UNC13C: variants seen among roughly 807,000 people sequenced by gnomAD.
UNC13C encodes the protein protein unc-13 homolog C.
A neutral mutation model predicts 245.4 loss-of-function variants in UNC13C; 174 were observed. The ratio of observed to expected loss-of-function variants is 0.71; its 90% CI spans 0.63 to 0.80. UNC13C has a LOEUF of 0.80. Among genes scored for constraint, UNC13C ranks in the 30% least tolerant of loss-of-function variants. UNC13C has a pLI of 0.00. For synonymous variants in UNC13C, 992 were observed against 895.1 expected (o/e 1.11, Z -1.93); for missense variants, 2,829 against 2,602.9 (o/e 1.09, Z -1.89).
In UNC13C at chr15:54,042,456, A is replaced by C. The variant is rs1247422717; in HGVS notation, c.2983+26570A>C. Among the ~76,000 whole-genome samples the C allele has an allele frequency of 2.0e-5, 3 of 152,314 alleles. No homozygotes were observed. In the South Asian group the frequency reaches 6.2e-4, roughly 32 times the overall value. ...ATGAAAGAGGAAAGATACAAATACA[A>C]AATAGGGGAAGTGAAGAATCTTATA... On this transcript the variant is annotated intron_variant, in intron 2 of 32. Coordinates refer to ENST00000260323, the MANE Select transcript of UNC13C (RefSeq NM_001080534.3).
chr15:54,306,328 G>A lies in UNC13C; in HGVS notation c.4268+5955G>A, dbSNP rs1042587973. On this transcript the variant is annotated intron_variant, in intron 13 of 32. Coordinates refer to ENST00000260323, the MANE Select transcript of UNC13C (RefSeq NM_001080534.3). Reference sequence around the variant, plus strand: ...GATTGATCAAGGACCTGAAGAATTTGTTCCCACATGGCAAATGCAACCATC... The same window carrying A: ...GATTGATCAAGGACCTGAAGAATTTATTCCCACATGGCAAATGCAACCATC... Among the ~76,000 whole-genome samples, 7 of 152,066 alleles carry A rather than the reference G, an allele frequency of 4.6e-5. No individual in the cohort carries two copies. The East Asian group carries it at 1.2e-3, about 25-fold the overall frequency.
the UNC13C span, among the ~76,000 whole-genome samples, chr15:53,950,035 A>G: frequency 6.6e-6 from 1 of 152,210 alleles, no homozygotes; most frequent in Non-Finnish European, 1.5e-5. Flanking sequence ...AAATATATCT[A>G]GACAAACATC....
At chr15:54,512,338 C>G (rs977292491) in intron 24 of UNC13C, 3 of 455,702 alleles carry the variant, frequency 6.6e-6, no homozygotes, top group African/African-American at 6.0e-5. Context: ...ACTTGCAATT[C>G]CATGAGCAGA....
chr15:54,081,959 T>C (rs1898965987), intron 2 of UNC13C, among the ~76,000 whole-genome samples: 1 of 152,190 alleles, frequency 6.6e-6, no homozygotes, highest in South Asian at 2.1e-4. Context: ...CCTTTGATCA[T>C]TTCTTATAGG....
chr15:54,412,292 G>A (rs2040432243), intron 18 of UNC13C, among the ~76,000 whole-genome samples: 1 of 152,120 alleles, frequency 6.6e-6, no homozygotes, highest in East Asian at 1.9e-4. Flanking sequence ...TGGTGAGGGA[G>A]GCCTCAGGAA....
At chr15:54,040,932 A>G (rs1896783116) in intron 2 of UNC13C, among the ~76,000 whole-genome samples, 1 of 152,216 alleles carries the variant, frequency 6.6e-6, no homozygotes, top group African/African-American at 2.4e-5. Context: ...TGCAACCTGC[A>G]TGCACCAACC....
intron 19 of UNC13C, among the ~76,000 whole-genome samples, chr15:54,478,405 G>A (rs1463157480): frequency 2.4e-5 from 3 of 123,352 alleles, no homozygotes; most frequent in Admixed American, 7.8e-5. Flanking sequence ...GTGATATTAG[G>A]GTGTCAATTT....
At chr15:53,889,259 TC>T in the UNC13C span, among the ~76,000 whole-genome samples, 1 of 152,110 alleles carries the variant, frequency 6.6e-6, no homozygotes, top group African/African-American at 2.4e-5. Context: ...CTTGAAGAGG[TC>T]CTTTGCATCC....
intron 13 of UNC13C, among the ~76,000 whole-genome samples, chr15:54,312,170 T>C (rs2037891305): frequency 6.6e-6 from 1 of 151,762 alleles, no homozygotes; most frequent in Non-Finnish European, 1.5e-5. Flanking sequence ...TGGGTGTTTG[T>C]TTTTGTGTTT....
Position 54,080,006 on chromosome 15 carries a change from G to GTTTTTTTTT in UNC13C, c.2984-63005_2984-62997dup, listed in dbSNP as rs3985784. Among the ~76,000 whole-genome samples, 170 of 129,856 alleles carry GTTTTTTTTT rather than the reference G, an allele frequency of 1.3e-3. 6 individuals are homozygous for GTTTTTTTTT. The highest frequency in any genetic ancestry group is 1.9e-3 in the Non-Finnish European group (112 of 59,276). The allele number at this position is 129,856 out of a possible 152,430, so 85.2% of individuals were successfully genotyped here. A position where few individuals can be genotyped will look rare whatever the true frequency, so the allele number is the denominator to read the frequency against. ...CCTTCAAGGCCTGGTTTGTCGAGCG[G>GTTTTTTTTT]TTTTTTTTTTTTTTTATCATAAAGT... On this transcript the variant is annotated intron_variant, in intron 2 of 32. Coordinates refer to ENST00000260323, the MANE Select transcript of UNC13C (RefSeq NM_001080534.3).
At chr15:54,562,345 G>T (rs1687276322) in intron 29 of UNC13C, among the ~76,000 whole-genome samples, 1 of 151,946 alleles carries the variant, frequency 6.6e-6, no homozygotes, top group African/African-American at 2.4e-5. Context: ...GCAAAAGTCT[G>T]ACTGTATAGG....
rs372052993 is a variant in UNC13C at position 54,540,109 on chromosome 15, GA to G, written c.5697-6612del. 7.2e-5 allele frequency among the ~76,000 whole-genome samples: 11 copies of G among 152,176 alleles called. No individual in the cohort carries two copies. In the South Asian group the frequency reaches 1.4e-3, roughly 20 times the overall value. The stretch of plus-strand genomic sequence containing the variant: ...GCATAGGGGAGATGCTTAAAAGCCA[GA>G]TATTGATTCTGTTTTCAAGGAGCTA... On this transcript the variant is annotated intron_variant, in intron 26 of 32. Coordinates refer to ENST00000260323, the MANE Select transcript of UNC13C (RefSeq NM_001080534.3).
At chr15:54,260,504 T>TTA (rs35399519) in intron 8 of UNC13C, among the ~76,000 whole-genome samples, 22,985 of 150,502 alleles carry the variant, frequency 0.15, 1,899 homozygotes, top group African/African-American at 0.21. Flanking sequence ...ACTGAAGTTA[T>TTA]TATATACATA....
chr15:54,563,673 C>G (rs1897386299), intron 29 of UNC13C, among the ~76,000 whole-genome samples: 1 of 151,966 alleles, frequency 6.6e-6, no homozygotes, highest in Non-Finnish European at 1.5e-5. Flanking sequence ...CATGTTATCC[C>G]CCAACAAAAT....
Position 54,310,749 on chromosome 15 carries a change from T to TATCTAC in UNC13C, c.4268+10381_4268+10382insCATCTA, listed in dbSNP as rs71750642. Reference sequence around the variant, plus strand: ...TATCCCGCCTCATTTTATATATCTATATCTATATCTATATCTATATCTATA... The same window carrying TATCTAC: ...TATCCCGCCTCATTTTATATATCTATATCTACATCTATATCTATATCTATATCTATA... On this transcript the variant is annotated intron_variant, in intron 13 of 32. Coordinates refer to ENST00000260323, the MANE Select transcript of UNC13C (RefSeq NM_001080534.3). 3.3e-3 allele frequency among the ~76,000 whole-genome samples: 464 copies of TATCTAC among 139,100 alleles called. 17 individuals are homozygous for TATCTAC. The East Asian group carries it at 0.068, about 20-fold the overall frequency. The allele number at this position is 139,100 out of a possible 152,430, so 91.3% of individuals were successfully genotyped here. A position where few individuals can be genotyped will look rare whatever the true frequency, so the allele number is the denominator to read the frequency against.
At chr15:54,027,857 G>A (rs1431042101) in intron 2 of UNC13C, among the ~76,000 whole-genome samples, 1 of 150,780 alleles carries the variant, frequency 6.6e-6, no homozygotes, top group Non-Finnish European at 1.5e-5. Flanking sequence ...TAGTAGGTAA[G>A]CCCTTAGAAG....
In UNC13C at chr15:54,001,369, T is replaced by G. The variant is rs531799544; in HGVS notation, c.-256-11279T>G. On this transcript the variant is annotated intron_variant, in intron 1 of 32. Coordinates refer to ENST00000260323, the MANE Select transcript of UNC13C (RefSeq NM_001080534.3). The stretch of plus-strand genomic sequence containing the variant: ...AGATGGAGGAGTGCATTAGCTCCTG[T>G]CTGGGAATTTAAAACACTTTTAACT... 1.2e-4 allele frequency among the ~76,000 whole-genome samples: 18 copies of G among 151,524 alleles called. No individual in the cohort carries two copies. The South Asian group carries it at 3.7e-3, about 31-fold the overall frequency.
chr15:54,612,031 T>C (rs181177656), intron 30 of UNC13C, among the ~76,000 whole-genome samples: 1 of 152,068 alleles, frequency 6.6e-6, no homozygotes, highest in South Asian at 2.1e-4. Context: ...AAAATAAGTT[T>C]ATTTCTCATT....
chr15:54,101,164 A>G (rs1341856166), intron 2 of UNC13C, among the ~76,000 whole-genome samples: 1 of 152,070 alleles, frequency 6.6e-6, no homozygotes, highest in Non-Finnish European at 1.5e-5. Flanking sequence ...TGCCTTTGAT[A>G]ACTCTAATAT....
Sources: allele counts gnomAD v4.1 joint callset (sites outside exome capture counted in the v4.1 genomes callset), GRCh38; gene constraint gnomAD v4.1.1; transcripts MANE v1.5; gene names NCBI Gene and HGNC (gene_info 2026-07-23, HGNC 2026-07-21).